Variants in MYRIP observed in about 807,000 individuals in gnomAD.
The protein encoded by MYRIP is myosin VIIA and Rab interacting protein, also known as rab effector MyRIP.
Under a neutral mutation model 98.0 loss-of-function variants are expected in MYRIP, and 49 were observed. The observed-to-expected ratio is 0.50, with a 90% CI of 0.40 to 0.63. MYRIP has a LOEUF of 0.63. Ranked by LOEUF, MYRIP falls within the 30% of genes least tolerant of loss-of-function variation. The pLI is 0.00. For missense variants in MYRIP, 1,004 were observed against 1,058.2 expected (o/e 0.95, Z 0.71); for synonymous variants, 404 against 409.5 (o/e 0.99, Z 0.16).
chr3:40,173,838 G>C (rs559879658), intron 8 of MYRIP: 1 of 152,180 alleles, frequency 6.6e-6, no homozygotes, highest in Non-Finnish European at 1.5e-5. Flanking sequence ...AAAAAAATCT[G>C]TCTTGCCAAA....
intron 2 of MYRIP, among the ~76,000 whole-genome samples, chr3:39,947,419 A>T (rs1389604912): frequency 1.3e-5 from 2 of 152,202 alleles, no homozygotes; most frequent in African/African-American, 2.4e-5. Context: ...CAAATGAATA[A>T]AGTATTAAAA....
Position 40,189,957 on chromosome 3 carries a change from G to C in MYRIP, c.1159G>C (p.Ala387Pro). ...GGCCCTGGAGGTGGCCTCCAGTGTG[G>C]CATCTGCCTACGATGAGATGGGCTC... is the stretch of plus-strand genomic sequence containing the variant. Reference protein sequence around the residue: ...FQALEVASSVASAYDEMGSDS... With the variant: ...FQALEVASSVPSAYDEMGSDS... The change falls in exon 10 of 17, where the codon GCA becomes CCA. Residue 387 changes from alanine to proline, a missense_variant. Ala to Pro is a conservative substitution (Grantham distance 27). Around this residue, in one of 3 missense-constraint regions of MYRIP, gnomAD observed 880 missense variants for 907.7 expected, o/e 0.97. Transcript: ENST00000302541. 1 of 1,614,140 alleles carries C rather than the reference G, an allele frequency of 6.2e-7. No individual in the cohort carries two copies. The highest frequency in any genetic ancestry group is 8.5e-7 in the Non-Finnish European group (1 of 1,180,030).
At chr3:40,028,374 A>G (rs1947183842) in intron 2 of MYRIP, among the ~76,000 whole-genome samples, 1 of 152,198 alleles carries the variant, frequency 6.6e-6, no homozygotes, top group Non-Finnish European at 1.5e-5. Context: ...CCTGTTACCC[A>G]GTGCTCAAGC....
chr3:39,990,541 T>A (rs1483310621), intron 2 of MYRIP, among the ~76,000 whole-genome samples: 1 of 152,208 alleles, frequency 6.6e-6, no homozygotes, highest in Admixed American at 6.5e-5. Context: ...CTATTAGGTA[T>A]CTGGAAAAGT....
chr3:39,820,794 C>A (rs1187310033), intron 1 of MYRIP, among the ~76,000 whole-genome samples: 1 of 152,154 alleles, frequency 6.6e-6, no homozygotes, highest in Non-Finnish European at 1.5e-5. Context: ...GGTGCCTCTC[C>A]TAGAACTGCA....
chr3:39,842,253 A>G (rs1575294855), intron 1 of MYRIP, among the ~76,000 whole-genome samples: 1 of 152,156 alleles, frequency 6.6e-6, no homozygotes, highest in East Asian at 1.9e-4. Context: ...GGCTTCGTTT[A>G]TACTGTAAGG....
chr3:40,057,375 G>A (rs1042214284), intron 3 of MYRIP, among the ~76,000 whole-genome samples: 15 of 152,162 alleles, frequency 9.9e-5, no homozygotes, highest in African/African-American at 3.6e-4. Context: ...TTTCAAAGGG[G>A]CTGAAGTTAA....
At chr3:39,950,317 C>G (rs772485849) in intron 2 of MYRIP, among the ~76,000 whole-genome samples, 7 of 152,164 alleles carry the variant, frequency 4.6e-5, no homozygotes, top group Non-Finnish European at 1.0e-4. Context: ...TCCCTTTTAT[C>G]AAGGCCATTC....
chr3:40,151,969 A>G (rs1950132164), intron 4 of MYRIP, among the ~76,000 whole-genome samples: 2 of 152,198 alleles, frequency 1.3e-5, no homozygotes, highest in South Asian at 4.1e-4. Flanking sequence ...TTCTCAATAA[A>G]GTCTTTGGTT....
At chr3:40,027,022 C>T (rs541320420) in intron 2 of MYRIP, among the ~76,000 whole-genome samples, 131 of 152,260 alleles carry the variant, frequency 8.6e-4, no homozygotes, top group Non-Finnish European at 1.3e-3. Flanking sequence ...CTTCCAAGCT[C>T]ACTTAGCTGG....
chr3:40,232,024 G>A (rs934601974), intron 11 of MYRIP, among the ~76,000 whole-genome samples: 16 of 152,138 alleles, frequency 1.1e-4, no homozygotes, highest in African/African-American at 3.6e-4. Flanking sequence ...CTGAAAAGTG[G>A]GGGACATCCT....
chr3:40,026,589 T>G (rs1947135079), intron 2 of MYRIP, among the ~76,000 whole-genome samples: 1 of 152,138 alleles, frequency 6.6e-6, no homozygotes, highest in African/African-American at 2.4e-5. Flanking sequence ...TCTTCACAAT[T>G]TATGTTTCCT....
chr3:39,923,088 A>G (rs559314806), intron 2 of MYRIP, among the ~76,000 whole-genome samples: 39 of 152,336 alleles, frequency 2.6e-4, no homozygotes, highest in Non-Finnish European at 4.3e-4. Flanking sequence ...GCTCAATAGC[A>G]GAACAGAAGA....
rs1196811184 is a variant in MYRIP, at chr3:40,115,104, A to G, written c.333-35944A>G. Among the ~76,000 whole-genome samples the G allele has an allele frequency of 2.6e-5, 4 of 152,324 alleles. No individual in the cohort carries two copies. In the East Asian group the frequency reaches 7.7e-4, roughly 29 times the overall value. ...TCAGTATATCTGATATGAAATATCA[A>G]TATGATAATATCTCCAAGCCCAAAA... On this transcript the variant is annotated intron_variant, in intron 3 of 16. Coordinates refer to ENST00000302541, the MANE Select transcript of MYRIP (RefSeq NM_015460.4).
At chr3:40,047,850 T>C (rs1947703094) in intron 3 of MYRIP, among the ~76,000 whole-genome samples, 1 of 152,162 alleles carries the variant, frequency 6.6e-6, no homozygotes, top group South Asian at 2.1e-4. Context: ...GAAGGATGCC[T>C]TAGAAGAGTT....
chr3:40,233,948 G>A lies in MYRIP; in HGVS notation c.1995G>A (p.Gly665=), dbSNP rs1952740902. The A allele has an allele frequency of 1.2e-6, 2 of 1,613,922 alleles. No individual in the cohort carries two copies. Among genetic ancestry groups the A allele is most frequent in the East Asian group, 4.5e-5 (2 of 44,850 alleles). The stretch of plus-strand genomic sequence containing the variant: ...AGGAGTTGATAGCAGGATCTACAGG[G>A]CCCTGGGAGTCCCCACAAGTCCCTC... ...ATEELIAGST[G]PWESPQVPPD... is the part of the protein sequence containing the mutation. Residue 665 remains glycine, a synonymous_variant, in exon 12 of 17, where the codon GGG becomes GGA. Transcript: ENST00000302541.
chr3:39,910,173 G>A (rs1276857698), intron 2 of MYRIP, among the ~76,000 whole-genome samples: 1 of 152,182 alleles, frequency 6.6e-6, no homozygotes, highest in Non-Finnish European at 1.5e-5. Flanking sequence ...ACAGGCCTGA[G>A]CCACCATGCC....
At chr3:40,023,903 A>G (rs1276243336) in intron 2 of MYRIP, among the ~76,000 whole-genome samples, 2 of 152,170 alleles carry the variant, frequency 1.3e-5, no homozygotes, top group East Asian at 3.9e-4. Context: ...AGGATGTAAC[A>G]GGGTGTCATG....
chr3:40,218,612 T>TTTTTA (rs1337574787), intron 11 of MYRIP, among the ~76,000 whole-genome samples: 1 of 13,562 alleles, frequency 7.4e-5, no homozygotes, highest in East Asian at 5.3e-3. Context: ...TATATATATT[T>TTTTTA]TATATATATA....
Sources: gnomAD v4.1 joint callset for allele counts (sites outside exome capture counted in the v4.1 genomes callset) on GRCh38, gnomAD v4.1.1 for gene constraint, gnomAD v4.1.1 regional missense constraint, MANE v1.5 for transcripts, NCBI Gene and HGNC (gene_info 2026-07-23, HGNC 2026-07-21) for gene names.